The following TIAM2 variants were observed in gnomAD, a reference collection of about 807,000 sequenced individuals.
TIAM2 encodes TIAM Rac1 associated GEF 2, also known as rho guanine nucleotide exchange factor TIAM2.
A neutral mutation model predicts 152.9 loss-of-function variants in TIAM2; 80 were observed. The ratio of observed to expected loss-of-function variants is 0.52; its 90% CI spans 0.44 to 0.63. TIAM2 has a LOEUF of 0.63. TIAM2 is among the 30% of genes least tolerant of loss of function. TIAM2 has a pLI of 0.00. For missense variants in TIAM2, 1,965 were observed against 2,120.1 expected, an observed-to-expected ratio of 0.93 and a Z score of 1.44; for synonymous variants, 804 against 838.0, an observed-to-expected ratio of 0.96 and a Z score of 0.70.
chr6:155,251,167 A>G (rs1783633847), intron 22 of TIAM2, 146 bp downstream of exon 22: 13 of 665,156 alleles, frequency 2.0e-5, no homozygotes, highest in East Asian at 1.1e-4. Context: ...CCAGCCCCCA[A>G]CTATTTGAAA....
chr6:155,129,870 G>C lies in TIAM2; in HGVS notation c.647G>C (p.Arg216Thr), dbSNP rs777350656. 6.2e-7 allele frequency: 1 copy of C among 1,613,710 alleles called. No homozygotes were observed. Among genetic ancestry groups the C allele is most frequent in the Non-Finnish European group, 8.5e-7 (1 of 1,180,026 alleles). Reference sequence around the variant, plus strand: ...ACCTCCCCTGTGCCTGAAGCCAGGAGGGGGTCCAGCGCCGATTCCCTGCCC... The same window carrying C: ...ACCTCCCCTGTGCCTGAAGCCAGGACGGGGTCCAGCGCCGATTCCCTGCCC... The part of the protein sequence containing the change: ...SETSPVPEAR[R>T]GSSADSLPSH... The change falls in exon 4 of 27, where the codon AGG (arginine) becomes ACG (threonine). Residue 216 changes from arginine (R) to threonine (T), a missense_variant. By Grantham distance (71) the Arg-to-Thr change is moderately conservative (BLOSUM62 -1). Around this residue, in one of 3 missense-constraint regions of TIAM2, gnomAD observed 1,025 missense variants for 1,119.4 expected, o/e 0.92. Coordinates refer to ENST00000682666, the MANE Select transcript of TIAM2 (RefSeq NM_012454.4). The surrounding 1 kb of genome is among the most constrained non-coding windows in gnomAD (Gnocchi z 4.8).
chr6:155,057,017 CTTTTTTTTTTTTT>C (rs71023612), intron 1 of TIAM2, among the ~76,000 whole-genome samples: 2,183 of 44,000 alleles, frequency 0.05, 85 homozygotes, highest in African/African-American at 0.16. Flanking sequence ...AGTTTTCTTT[CTTTTTTTTTTTTT>C]TTTTTTTTTT....
chr6:155,216,194 G>A (rs920794697), intron 15 of TIAM2, among the ~76,000 whole-genome samples: 5 of 151,848 alleles, frequency 3.3e-5, no homozygotes, highest in Non-Finnish European at 7.4e-5. Context: ...GACTCCCCCC[G>A]CCCCACCCCC....
chr6:155,074,401 G>A (rs183886119), intron 1 of TIAM2, among the ~76,000 whole-genome samples: 140 of 152,060 alleles, frequency 9.2e-4, no homozygotes, highest in African/African-American at 3.2e-3. Flanking sequence ...CGCCCAGGCT[G>A]GAATGGCATG....
intron 1 of TIAM2, among the ~76,000 whole-genome samples, chr6:155,037,237 AC>A (rs949310040): frequency 2.6e-5 from 4 of 152,222 alleles, no homozygotes; most frequent in African/African-American, 9.7e-5. Flanking sequence ...GCAGTAAAAT[AC>A]TGACCTCGAA....
At chr6:155,034,397 G>A (rs1438607553) in intron 1 of TIAM2, among the ~76,000 whole-genome samples, 1 of 151,934 alleles carries the variant, frequency 6.6e-6, no homozygotes, top group African/African-American at 2.4e-5. Context: ...ATTGATTATA[G>A]CCACCCACCA....
At chr6:155,134,941 A>G (rs1397883457) in intron 4 of TIAM2, among the ~76,000 whole-genome samples, 4 of 152,024 alleles carry the variant, frequency 2.6e-5, no homozygotes, top group African/African-American at 9.7e-5. Flanking sequence ...TCCTGACCTC[A>G]TGATCTGCCC....
chr6:155,192,560 G>A (rs1285099357), intron 14 of TIAM2, among the ~76,000 whole-genome samples: 1 of 151,318 alleles, frequency 6.6e-6, no homozygotes, highest in South Asian at 2.1e-4. Flanking sequence ...TGTCCAAAAT[G>A]TTTGTTTAAC....
intron 1 of TIAM2, among the ~76,000 whole-genome samples, chr6:155,030,426 C>T (rs374972857): frequency 1.2e-4 from 19 of 152,104 alleles, no homozygotes; most frequent in Admixed American, 2.0e-4. Context: ...TATGATCTCC[C>T]GAAGAGATTA....
chr6:155,241,019 AG>A (rs1333278959), intron 16 of TIAM2, among the ~76,000 whole-genome samples: 2 of 152,222 alleles, frequency 1.3e-5, no homozygotes, highest in Non-Finnish European at 2.9e-5. Flanking sequence ...GTTTAGTATA[AG>A]GGGAGAGAGA....
intron 2 of TIAM2, among the ~76,000 whole-genome samples, chr6:155,092,527 T>A (rs1170626060): frequency 4.6e-5 from 7 of 152,194 alleles, no homozygotes; most frequent in Non-Finnish European, 1.0e-4. Context: ...CTGTTTTATT[T>A]AGTATATACT....
At chr6:155,230,461 C>T (rs553139017) in intron 15 of TIAM2, among the ~76,000 whole-genome samples, 2 of 152,288 alleles carry the variant, frequency 1.3e-5, no homozygotes, top group South Asian at 2.1e-4. Context: ...GTTGTGTTTC[C>T]GTAGGACCCC....
chr6:155,196,970 G>A (rs1268211257), intron 14 of TIAM2, among the ~76,000 whole-genome samples: 1 of 152,222 alleles, frequency 6.6e-6, no homozygotes, highest in Admixed American at 6.5e-5. Flanking sequence ...CTTGTTGGTA[G>A]CTCTGGAGAA....
intron 6 of TIAM2, among the ~76,000 whole-genome samples, chr6:155,146,062 G>A (rs913749320): frequency 3.3e-5 from 5 of 152,166 alleles, no homozygotes; most frequent in African/African-American, 1.2e-4. Flanking sequence ...AGTGTGAAAT[G>A]AATGTTTTAT....
At chr6:155,197,872 T>C (rs1781384704) in intron 14 of TIAM2, among the ~76,000 whole-genome samples, 1 of 152,078 alleles carries the variant, frequency 6.6e-6, no homozygotes, top group Admixed American at 6.5e-5. Context: ...GGAACTACAA[T>C]TCAAGATGAG....
chr6:155,254,635 T>G lies in TIAM2; in HGVS notation c.4468+62T>G, dbSNP rs1743956936. 1.9e-6 allele frequency: 3 copies of G among 1,573,346 alleles called. 1 individual carries two copies. The highest frequency in any genetic ancestry group is 3.4e-5 in the Admixed American group (2 of 58,640). On this transcript the variant is annotated intron_variant, in intron 26 of 26. Transcript: ENST00000682666. ...ATATTATGAGCTTCTGAAAAGGATA[T>G]ATGCTCTTGTAACATAGCTGTGACT...
intron 2 of TIAM2, among the ~76,000 whole-genome samples, chr6:155,091,122 G>T (rs1446821151): frequency 6.6e-6 from 1 of 152,268 alleles, no homozygotes; most frequent in East Asian, 1.9e-4. Context: ...TTTCTTGGCT[G>T]ATTGCTTCAT....
At chr6:155,104,040 A>ACTCCC (rs1562316893) in intron 2 of TIAM2, among the ~76,000 whole-genome samples, 1 of 57,732 alleles carries the variant, frequency 1.7e-5, no homozygotes, top group Non-Finnish European at 3.2e-5. Flanking sequence ...ACACACACAC[A>ACTCCC]CCCCCCCCCC....
rs1348386764 is a variant in TIAM2 at position 155,186,995 on chromosome 6, G to C, written c.3064+3495G>C. Among the ~76,000 whole-genome samples, 1 of 152,072 alleles carries C rather than the reference G, an allele frequency of 6.6e-6. No individual in the cohort carries two copies. The highest frequency in any genetic ancestry group is 1.5e-5 in the Non-Finnish European group (1 of 68,016). On this transcript the variant is annotated intron_variant, in intron 14 of 26. Transcript: ENST00000682666. This position sits in a 1 kb window ranked among gnomAD's most constrained non-coding sequence, Gnocchi z 4.5. The stretch of plus-strand genomic sequence containing the variant: ...CTTTGCTTGCTATAAAAACCAAATG[G>C]CTGGCTCTCTGGGAAAGAAGACCTG...
Sources: gnomAD v4.1 joint callset for allele counts (sites outside exome capture counted in the v4.1 genomes callset) on GRCh38, gnomAD v4.1.1 for gene constraint, gnomAD v4.1.1 regional missense constraint, Gnocchi (gnomAD v3.1) non-coding constraint, MANE v1.5 for transcripts, NCBI Gene and HGNC (gene_info 2026-07-23, HGNC 2026-07-21) for gene names.